The following ZNF804B variants were observed in gnomAD, a reference collection of about 807,000 sequenced individuals.
The protein encoded by ZNF804B is zinc finger 804B.
Under a neutral mutation model 101.4 loss-of-function variants are expected in ZNF804B, and 80 were observed. The observed-to-expected ratio is 0.79, with a 90% CI of 0.66 to 0.95. ZNF804B has a LOEUF of 0.95. ZNF804B is among the 40% of genes least tolerant of loss of function. ZNF804B has a pLI of 0.00. For missense variants in ZNF804B, 1,673 were observed against 1,561.9 expected (o/e 1.07, Z -1.20); for synonymous variants, 622 against 558.8 (o/e 1.11, Z -1.59).
chr7:89,116,378 A>G (rs562425447), intron 1 of ZNF804B, among the ~76,000 whole-genome samples: 17 of 152,206 alleles, frequency 1.1e-4, no homozygotes, highest in Non-Finnish European at 1.9e-4. Flanking sequence ...GTTCAATTAT[A>G]ATAGTATTCT....
chr7:88,818,632 G>A (rs1276785866), intron 1 of ZNF804B, among the ~76,000 whole-genome samples: 4 of 152,120 alleles, frequency 2.6e-5, no homozygotes, highest in African/African-American at 7.2e-5. Flanking sequence ...TTGATTATTT[G>A]AGTTCATTTT....
At chr7:89,262,332 A>G (rs1184827367) in intron 2 of ZNF804B, among the ~76,000 whole-genome samples, 1 of 152,156 alleles carries the variant, frequency 6.6e-6, no homozygotes, top group Non-Finnish European at 1.5e-5. Context: ...GCCCATGCTC[A>G]TTATTTTCTT....
intron 1 of ZNF804B, among the ~76,000 whole-genome samples, chr7:89,045,210 T>C (rs912583247): frequency 2.6e-5 from 4 of 152,198 alleles, no homozygotes; most frequent in Non-Finnish European, 5.9e-5. Flanking sequence ...AAGACAAGAA[T>C]TGATGTTTGG....
chr7:89,146,317 A>G (rs1261296516), intron 1 of ZNF804B, among the ~76,000 whole-genome samples: 1 of 152,096 alleles, frequency 6.6e-6, no homozygotes, highest in Non-Finnish European at 1.5e-5. Context: ...AGGATGTGAC[A>G]TTAATCTAAA....
In ZNF804B at chr7:89,335,489, G is replaced by A. The variant is rs1329762153; in HGVS notation, c.2507G>A (p.Cys836Tyr). The A allele has an allele frequency of 1.2e-6, 2 of 1,613,978 alleles. No homozygotes were observed. The highest frequency in any genetic ancestry group is 1.7e-5 in the Admixed American group (1 of 59,944). ...TGTGATTCTAACTCACAGATTTCCT[G>A]TACTGGAAGCAGTAAAAAACCACCT... Reference protein sequence around the residue: ...IYCDSNSQISCTGSSKKPPNC... With the variant: ...IYCDSNSQISYTGSSKKPPNC... Residue 836 changes from cysteine (C) to tyrosine (Y), a missense_variant, in exon 4 of 4, where the codon TGT becomes TAT. Coordinates refer to ENST00000333190, the MANE Select transcript of ZNF804B (RefSeq NM_181646.5).
chr7:88,891,842 A>G (rs1792219610), intron 1 of ZNF804B, among the ~76,000 whole-genome samples: 1 of 151,966 alleles, frequency 6.6e-6, no homozygotes, highest in Non-Finnish European at 1.5e-5. Flanking sequence ...TTCACCCATT[A>G]ACTCATCATT....
At chr7:88,827,331 A>G (rs1168956017) in intron 1 of ZNF804B, among the ~76,000 whole-genome samples, 1 of 151,762 alleles carries the variant, frequency 6.6e-6, no homozygotes, top group Non-Finnish European at 1.5e-5. Flanking sequence ...ATAAAATTTT[A>G]AATTCTGATC....
At chr7:89,201,339 TA>T (rs1256153600) in intron 1 of ZNF804B, among the ~76,000 whole-genome samples, 1 of 152,056 alleles carries the variant, frequency 6.6e-6, no homozygotes, top group African/African-American at 2.4e-5. Flanking sequence ...AATCAATTTT[TA>T]AAATCACTTA....
chr7:89,055,137 T>C (rs948651696), intron 1 of ZNF804B, among the ~76,000 whole-genome samples: 1 of 152,036 alleles, frequency 6.6e-6, no homozygotes, highest in Non-Finnish European at 1.5e-5. Flanking sequence ...AAAGGTTAAT[T>C]TTGAGGGATG....
chr7:88,901,590 C>T (rs1470095355), intron 1 of ZNF804B, among the ~76,000 whole-genome samples: 1 of 151,346 alleles, frequency 6.6e-6, no homozygotes, highest in African/African-American at 2.4e-5. Flanking sequence ...TGCCATCACT[C>T]ATCTAGATAT....
intron 1 of ZNF804B, among the ~76,000 whole-genome samples, chr7:89,161,780 T>A (rs1356337576): frequency 6.6e-6 from 1 of 152,156 alleles, no homozygotes; most frequent in African/African-American, 2.4e-5. Context: ...CATTATATAT[T>A]CCAGTTTGGA....
chr7:88,932,490 T>G (rs371047613), intron 1 of ZNF804B, among the ~76,000 whole-genome samples: 1 of 151,700 alleles, frequency 6.6e-6, no homozygotes. Context: ...CAAAATTCAT[T>G]GACCATTAGT....
At chr7:89,004,041 T>G (rs1344026370) in intron 1 of ZNF804B, among the ~76,000 whole-genome samples, 2 of 131,944 alleles carry the variant, frequency 1.5e-5, no homozygotes, top group African/African-American at 5.7e-5. Context: ...TGTGAAAATG[T>G]GATCCTGAAT....
chr7:89,285,074 C>T (rs930173939), intron 2 of ZNF804B, among the ~76,000 whole-genome samples: 1 of 151,764 alleles, frequency 6.6e-6, no homozygotes, highest in African/African-American at 2.4e-5. Flanking sequence ...AAAAAAATAG[C>T]CAGGCATGGT....
intron 1 of ZNF804B, among the ~76,000 whole-genome samples, chr7:88,797,587 G>A (rs958853210): frequency 2.6e-5 from 4 of 152,068 alleles, no homozygotes; most frequent in Admixed American, 6.6e-5. Flanking sequence ...ACCTAACACA[G>A]CTACTGATCA....
intron 1 of ZNF804B, among the ~76,000 whole-genome samples, chr7:89,052,344 G>A (rs1789219648): frequency 6.6e-6 from 1 of 151,904 alleles, no homozygotes; most frequent in Non-Finnish European, 1.5e-5. Context: ...TAATTTTTCT[G>A]TGTATTTCCT....
chr7:88,968,957 C>T (rs548767975), intron 1 of ZNF804B, among the ~76,000 whole-genome samples: 1 of 151,492 alleles, frequency 6.6e-6, no homozygotes, highest in South Asian at 2.1e-4. Flanking sequence ...TACAGTCTTA[C>T]ATACACTGTT....
chr7:88,959,188 G>C (rs1236059245), intron 1 of ZNF804B, among the ~76,000 whole-genome samples: 1 of 151,304 alleles, frequency 6.6e-6, no homozygotes, highest in Non-Finnish European at 1.5e-5. Context: ...TTCTTGTTAT[G>C]TAGTACACAT....
At chr7:88,892,279 T>A (rs2115932776) in intron 1 of ZNF804B, among the ~76,000 whole-genome samples, 1 of 152,300 alleles carries the variant, frequency 6.6e-6, no homozygotes, top group Non-Finnish European at 1.5e-5. Context: ...TCTTTATTCT[T>A]GAAGTATAGA....
Sources: allele counts gnomAD v4.1 joint callset (sites outside exome capture counted in the v4.1 genomes callset), GRCh38; gene constraint gnomAD v4.1.1; transcripts MANE v1.5; gene names NCBI Gene and HGNC (gene_info 2026-07-23, HGNC 2026-07-21).